Variants in SLC17A6 observed in about 807,000 individuals in gnomAD.
The protein encoded by SLC17A6 is solute carrier family 17 member 6.
Under a neutral mutation model 67.1 loss-of-function variants are expected in SLC17A6, and 35 were observed. The ratio of observed to expected loss-of-function variants is 0.52; its 90% CI spans 0.40 to 0.69. The LOEUF (loss-of-function observed/expected upper bound fraction) is 0.69. SLC17A6 is among the 30% of genes least tolerant of loss of function. SLC17A6 has a pLI of 0.00. For synonymous variants in SLC17A6, 285 were observed against 252.3 expected (o/e 1.13, Z -1.23); for missense variants, 588 against 723.9 (o/e 0.81, Z 2.15).
Position 22,370,880 on chromosome 11 carries a change from A to G in SLC17A6, c.1041+692A>G, listed in dbSNP as rs1214260997. On this transcript the variant is annotated intron_variant, in intron 8 of 11. Transcript: ENST00000263160. ...GAATATAATCATTTTGAGATTTTCTATGAGGATAAAATGAACACAAAAATA... is the reference window on the plus strand; with the variant it reads ...GAATATAATCATTTTGAGATTTTCTGTGAGGATAAAATGAACACAAAAATA... Among the ~76,000 whole-genome samples, 3 of 152,264 alleles carry G rather than the reference A, an allele frequency of 2.0e-5. No individual in the cohort carries two copies. In the East Asian group the frequency reaches 5.8e-4, roughly 29 times the overall value.
At chr11:22,356,431 TTAAA>T (rs1855993839) in intron 3 of SLC17A6, among the ~76,000 whole-genome samples, 2 of 152,128 alleles carry the variant, frequency 1.3e-5, no homozygotes, top group African/African-American at 4.8e-5. Context: ...TTATATAAAA[TTAAA>T]TAAGAAGATG....
chr11:22,341,816 C>T (rs988367120), intron 2 of SLC17A6, 36 bp downstream of exon 2: 28 of 1,605,630 alleles, frequency 1.7e-5, no homozygotes, highest in Non-Finnish European at 2.4e-5. Context: ...TCCTGCCCTT[C>T]GGCCATGCGG....
intron 3 of SLC17A6, among the ~76,000 whole-genome samples, chr11:22,350,916 G>A (rs1464347306): frequency 1.3e-5 from 2 of 151,962 alleles, no homozygotes; most frequent in African/African-American, 4.8e-5. Flanking sequence ...ATTTGCTAGA[G>A]TATTTCATTG....
intron 7 of SLC17A6, among the ~76,000 whole-genome samples, chr11:22,366,146 A>G (rs1856109746): frequency 6.6e-6 from 1 of 152,100 alleles, no homozygotes; most frequent in Admixed American, 6.6e-5. Flanking sequence ...TGTTTTTCCT[A>G]TACATACATA....
chr11:22,344,172 T>G (rs761871572), intron 3 of SLC17A6, among the ~76,000 whole-genome samples: 4 of 152,192 alleles, frequency 2.6e-5, no homozygotes, highest in Non-Finnish European at 5.9e-5. Context: ...TCTGAATTGT[T>G]GAACCCACAC....
intron 8 of SLC17A6, among the ~76,000 whole-genome samples, chr11:22,374,545 T>C (rs1856211004): frequency 6.6e-6 from 1 of 151,926 alleles, no homozygotes; most frequent in African/African-American, 2.4e-5. Flanking sequence ...AAAAATTACC[T>C]TCTAAAGGAA....
At chr11:22,361,852 A>T (rs943769421) in intron 5 of SLC17A6, among the ~76,000 whole-genome samples, 3 of 152,148 alleles carry the variant, frequency 2.0e-5, no homozygotes, top group African/African-American at 7.2e-5. Flanking sequence ...TCCAAATCAG[A>T]TATTAGAACT....
chr11:22,375,834 T>C, intron 9 of SLC17A6, 148 bp from the exon 10 acceptor site: 1 of 517,740 alleles, frequency 1.9e-6, no homozygotes, highest in Non-Finnish European at 3.4e-6. Flanking sequence ...GGTAAATTAT[T>C]ATGATTATTA....
intron 7 of SLC17A6, among the ~76,000 whole-genome samples, chr11:22,368,505 G>A (rs1019922480): frequency 1.3e-5 from 2 of 151,694 alleles, no homozygotes; most frequent in South Asian, 2.1e-4. Context: ...CCTTTAATCC[G>A]CCAACAATTT....
intron 3 of SLC17A6, among the ~76,000 whole-genome samples, chr11:22,345,474 C>T (rs1855866545): frequency 6.6e-6 from 1 of 151,920 alleles, no homozygotes; most frequent in Admixed American, 6.6e-5. Flanking sequence ...CCACCCCCAG[C>T]TAATTTTTTT....
At chr11:22,374,002 A>G (rs867694577) in intron 8 of SLC17A6, among the ~76,000 whole-genome samples, 37 of 152,206 alleles carry the variant, frequency 2.4e-4, no homozygotes, top group African/African-American at 8.4e-4. Context: ...TTACATTCAA[A>G]GTTTATTAAG....
chr11:22,367,016 A>AAC (rs1420897299), intron 7 of SLC17A6, among the ~76,000 whole-genome samples: 1 of 151,652 alleles, frequency 6.6e-6, no homozygotes, highest in Non-Finnish European at 1.5e-5. Flanking sequence ...AAAAAAAAAA[A>AAC]AAAAAAAAAG....
intron 2 of SLC17A6, 45 bp downstream of exon 2, chr11:22,341,825 G>A (rs775056628): frequency 5.6e-6 from 9 of 1,600,382 alleles, no homozygotes; most frequent in Non-Finnish European, 7.7e-6. Flanking sequence ...TCGGCCATGC[G>A]GCCTCGCAAA....
At position 22,343,238 on chromosome 11, in the gene SLC17A6, C is replaced by T; in HGVS notation, c.340-9C>T. On this transcript the variant is annotated splice_polypyrimidine_tract_variant and intron_variant, in intron 2 of 11. Transcript: ENST00000263160. The stretch of plus-strand genomic sequence containing the variant: ...TTTCCCTTCACACTTTTTTCCTACC[C>T]CTCCATAGAAAGCCAAATTCAACTG... 1 of 1,610,054 alleles carries T rather than the reference C, an allele frequency of 6.2e-7. No individual in the cohort carries two copies. The highest frequency in any genetic ancestry group is 8.5e-7 in the Non-Finnish European group (1 of 1,177,154).
chr11:22,338,467 G>A lies in SLC17A6; in HGVS notation c.-67G>A. ...ACTTTAAGAGATTAAGACAATATGC[G>A]CAATCCTCGCCTTTCCTAGCAATCA... On this transcript the variant is annotated 5_prime_UTR_variant, in exon 1 of 12. Coordinates refer to ENST00000263160, the MANE Select transcript of SLC17A6 (RefSeq NM_020346.3). The A allele has an allele frequency of 8.7e-7, 1 of 1,149,782 alleles. No homozygotes were observed. The highest frequency in any genetic ancestry group is 1.8e-5 in the Admixed American group (1 of 56,054). The allele number at this position is 1,149,782 out of a possible 1,614,324, so 71.2% of individuals were successfully genotyped here. A position where few individuals can be genotyped will look rare whatever the true frequency, so the allele number is the denominator to read the frequency against.
chr11:22,356,470 T>C (rs927148018), intron 3 of SLC17A6, among the ~76,000 whole-genome samples: 2 of 152,176 alleles, frequency 1.3e-5, no homozygotes, highest in Admixed American at 6.5e-5. Context: ...TGATGGATTC[T>C]TAACTAGTTA....
At chr11:22,343,154 C>G (rs766586191) in intron 2 of SLC17A6, 93 bp from the exon 3 acceptor site, 39 of 1,052,082 alleles carry the variant, frequency 3.7e-5, no homozygotes, top group Non-Finnish European at 5.4e-5. Context: ...GCGCCCAAGC[C>G]TTGGGGGCTT....
At chr11:22,372,469 C>G (rs899370029) in intron 8 of SLC17A6, among the ~76,000 whole-genome samples, 5 of 151,488 alleles carry the variant, frequency 3.3e-5, no homozygotes, top group Non-Finnish European at 7.4e-5. Context: ...AATGGCATAT[C>G]AGCGGGTCAG....
At chr11:22,344,408 CAATT>C (rs1400062844) in intron 3 of SLC17A6, among the ~76,000 whole-genome samples, 1 of 152,162 alleles carries the variant, frequency 6.6e-6, no homozygotes, top group African/African-American at 2.4e-5. Context: ...CATCTTTTGT[CAATT>C]ACTATCCCTT....
Sources: gnomAD v4.1 joint callset for allele counts (sites outside exome capture counted in the v4.1 genomes callset) on GRCh38, gnomAD v4.1.1 for gene constraint, MANE v1.5 for transcripts, NCBI Gene and HGNC (gene_info 2026-07-23, HGNC 2026-07-21) for gene names.